Variants in TAS2R1 observed in about 807,000 individuals in gnomAD.
The protein encoded by TAS2R1 is taste 2 receptor member 1, also known as taste receptor type 2 member 1.
For synonymous variants in TAS2R1, 141 were observed against 134.2 expected (o/e 1.05, Z -0.35); for missense variants, 370 against 353.4 (o/e 1.05, Z -0.38).
chr5:9,748,511 T>C, the TAS2R1 span, among the ~76,000 whole-genome samples: 1 of 152,038 alleles, frequency 6.6e-6, no homozygotes, highest in Non-Finnish European at 1.5e-5. Flanking sequence ...GAGTTCAAGA[T>C]TGGGTAGCTA....
chr5:9,825,868 C>A, the TAS2R1 span, among the ~76,000 whole-genome samples: 1 of 152,094 alleles, frequency 6.6e-6, no homozygotes, highest in African/African-American at 2.4e-5. Context: ...TGCTTTCTGG[C>A]ACAACAAGCG....
chr5:9,876,170 G>A, the TAS2R1 span, among the ~76,000 whole-genome samples: 1 of 151,356 alleles, frequency 6.6e-6, no homozygotes, highest in Non-Finnish European at 1.5e-5. Flanking sequence ...GAACTCACGA[G>A]CCCAGCTACA....
intron 2 of TAS2R1, among the ~76,000 whole-genome samples, chr5:9,645,178 G>A (rs1457142411): frequency 1.3e-5 from 2 of 152,262 alleles, no homozygotes; most frequent in Middle Eastern, 3.4e-3. Flanking sequence ...CAATCATTTA[G>A]TGCTTACAAC....
chr5:9,703,581 A>G (rs1741536169), intron 1 of TAS2R1, among the ~76,000 whole-genome samples: 1 of 152,186 alleles, frequency 6.6e-6, no homozygotes, highest in Non-Finnish European at 1.5e-5. Flanking sequence ...CAGGAGTGAC[A>G]GGAATGAGGT....
the TAS2R1 span, among the ~76,000 whole-genome samples, chr5:9,748,300 G>A: frequency 6.6e-6 from 1 of 152,004 alleles, no homozygotes; most frequent in African/African-American, 2.4e-5. Flanking sequence ...TGGCACAATC[G>A]CGGCTCACTG....
chr5:9,884,354 A>G, the TAS2R1 span, among the ~76,000 whole-genome samples: 1 of 151,668 alleles, frequency 6.6e-6, no homozygotes, highest in African/African-American at 2.4e-5. Context: ...GGCGCCTGTA[A>G]TCCCAGCTAC....
At chr5:9,790,189 C>T in the TAS2R1 span, among the ~76,000 whole-genome samples, 2 of 152,126 alleles carry the variant, frequency 1.3e-5, no homozygotes, top group East Asian at 1.9e-4. Flanking sequence ...ATTAAGCCTT[C>T]GATGGTCACT....
At chr5:9,722,988 T>C in the TAS2R1 span, among the ~76,000 whole-genome samples, 4 of 152,182 alleles carry the variant, frequency 2.6e-5, no homozygotes, top group African/African-American at 7.2e-5. Context: ...GCCTCAAAGA[T>C]TGTGCCTAAT....
At chr5:9,652,102 T>C (rs1311601526) in intron 2 of TAS2R1, among the ~76,000 whole-genome samples, 1 of 152,240 alleles carries the variant, frequency 6.6e-6, no homozygotes, top group East Asian at 1.9e-4. Flanking sequence ...CATGACTACA[T>C]ATTATCATGT....
intron 1 of TAS2R1, among the ~76,000 whole-genome samples, chr5:9,711,738 C>G (rs77752173): frequency 1.2e-3 from 179 of 152,222 alleles, no homozygotes; most frequent in Non-Finnish European, 1.8e-3. Flanking sequence ...TGCAATCTCG[C>G]TGCAAACTCT....
intron 1 of TAS2R1, among the ~76,000 whole-genome samples, chr5:9,702,431 C>T (rs145728498): frequency 0.025 from 3,862 of 152,204 alleles, 62 homozygotes; most frequent in African/African-American, 0.037. Flanking sequence ...CTAAAATGCA[C>T]AGGACAGCCC....
the TAS2R1 span, among the ~76,000 whole-genome samples, chr5:9,834,016 T>A: frequency 6.6e-6 from 1 of 152,242 alleles, no homozygotes; most frequent in Non-Finnish European, 1.5e-5. Context: ...GGCCACTAGC[T>A]GGTGACTCCT....
intron 1 of TAS2R1, among the ~76,000 whole-genome samples, chr5:9,707,364 C>T (rs1335896512): frequency 6.6e-6 from 1 of 152,162 alleles, no homozygotes; most frequent in African/African-American, 2.4e-5. Flanking sequence ...TCCTCATCAT[C>T]CAGGACTCTC....
the TAS2R1 span, among the ~76,000 whole-genome samples, chr5:9,820,008 T>C: frequency 6.6e-6 from 1 of 152,136 alleles, no homozygotes; most frequent in Non-Finnish European, 1.5e-5. Context: ...GCTCCTCCCA[T>C]CTAACCACTT....
the TAS2R1 span, among the ~76,000 whole-genome samples, chr5:9,879,004 A>T: frequency 2.2e-4 from 33 of 152,318 alleles, 1 homozygote; most frequent in South Asian, 6.2e-4. Context: ...ACCATCACTA[A>T]CTTCCAGCCT....
At chr5:9,888,249 C>T in the TAS2R1 span, among the ~76,000 whole-genome samples, 1 of 152,106 alleles carries the variant, frequency 6.6e-6, no homozygotes, top group African/African-American at 2.4e-5. Flanking sequence ...CTGCCATGGC[C>T]GCTGCCTGAC....
At chr5:9,901,840 A>T in the TAS2R1 span, among the ~76,000 whole-genome samples, 41,504 of 151,990 alleles carry the variant, frequency 0.27, 6,497 homozygotes, top group Admixed American at 0.43. Flanking sequence ...TGCCCCATAT[A>T]ATAAATTGTC....
intron 2 of TAS2R1, chr5:9,658,609 G>A (rs969340589): frequency 6.6e-6 from 1 of 152,298 alleles, no homozygotes; most frequent in African/African-American, 2.4e-5. Flanking sequence ...CCCCAGTTAT[G>A]TTCTGGAATT....
intron 1 of TAS2R1, among the ~76,000 whole-genome samples, chr5:9,691,166 G>A (rs115323342): frequency 0.031 from 4,789 of 152,260 alleles, 97 homozygotes; most frequent in African/African-American, 0.057. Flanking sequence ...CCCTCAATCC[G>A]GTCACATGTG....
Sources: gnomAD v4.1 joint callset for allele counts (sites outside exome capture counted in the v4.1 genomes callset) on GRCh38, gnomAD v4.1.1 for gene constraint, MANE v1.5 for transcripts, NCBI Gene and HGNC (gene_info 2026-07-23, HGNC 2026-07-21) for gene names.